The following KCNAB1 variants were observed in gnomAD, a reference collection of about 807,000 sequenced individuals.
KCNAB1 encodes potassium voltage-gated channel subfamily A regulatory beta subunit 1.
In KCNAB1, 35 loss-of-function variants were observed where a neutral mutation model predicts 64.6. The observed-to-expected ratio is 0.54, with a 90% confidence interval of 0.41 to 0.72. The LOEUF (loss-of-function observed/expected upper bound fraction) is 0.72. Ranked by LOEUF, KCNAB1 falls within the 30% of genes least tolerant of loss-of-function variation. The pLI is 0.00. For missense variants in KCNAB1, 401 were observed against 512.9 expected, an observed-to-expected ratio of 0.78 and a Z score of 2.11; for synonymous variants, 177 against 183.8, an observed-to-expected ratio of 0.96 and a Z score of 0.30.
At chr3:156,475,778 G>A (rs2108320655) in intron 8 of KCNAB1, among the ~76,000 whole-genome samples, 1 of 152,264 alleles carries the variant, frequency 6.6e-6, no homozygotes, top group South Asian at 2.1e-4. Flanking sequence ...AAGGGTTATA[G>A]TAATGGAAAA....
chr3:156,157,004 T>C (rs987024142), intron 1 of KCNAB1, among the ~76,000 whole-genome samples: 1 of 151,906 alleles, frequency 6.6e-6, no homozygotes, highest in African/African-American at 2.4e-5. Context: ...TGAGAATGAG[T>C]GTGCAGAAAG....
At chr3:156,260,113 A>G (rs1456195708) in intron 1 of KCNAB1, among the ~76,000 whole-genome samples, 2 of 152,188 alleles carry the variant, frequency 1.3e-5, no homozygotes, top group East Asian at 3.8e-4. Context: ...AGGACTTCCC[A>G]GACCTCTGAC....
chr3:156,527,699 C>A (rs947852919), intron 12 of KCNAB1, among the ~76,000 whole-genome samples: 1 of 152,088 alleles, frequency 6.6e-6, no homozygotes, highest in African/African-American at 2.4e-5. Context: ...CCTGTCACTT[C>A]TTTCTTTGTA....
Position 156,384,825 on chromosome 3 carries a change from G to A in KCNAB1, c.276-36791G>A, listed in dbSNP as rs1712456197. Among the ~76,000 whole-genome samples the A allele has an allele frequency of 1.3e-5, 2 of 152,176 alleles. 1 individual carries two copies. Among genetic ancestry groups the A allele is most frequent in the Admixed American group, 1.3e-4 (2 of 15,284 alleles). On this transcript the variant is annotated intron_variant, in intron 1 of 13. Coordinates refer to ENST00000490337, the MANE Select transcript of KCNAB1 (RefSeq NM_172160.3). Reference sequence around the variant, plus strand: ...AAACTCCCTTGGAATGGATTCCTCAGAGAGGTTTTGTTCTTCTGGCAGGAG... The same window carrying A: ...AAACTCCCTTGGAATGGATTCCTCAAAGAGGTTTTGTTCTTCTGGCAGGAG...
At chr3:156,453,110 T>C in intron 3 of KCNAB1, 174 bp downstream of exon 3, 1 of 489,266 alleles carries the variant, frequency 2.0e-6, no homozygotes, top group South Asian at 4.0e-5. Context: ...TTGTATTTTT[T>C]ACATTTAGAC....
chr3:156,400,184 T>C (rs1011820894), intron 1 of KCNAB1, among the ~76,000 whole-genome samples: 3 of 152,248 alleles, frequency 2.0e-5, no homozygotes, highest in Non-Finnish European at 2.9e-5. Flanking sequence ...AAAAGTTTGA[T>C]GTTAATGCTT....
chr3:156,296,197 A>G (rs1720765217), intron 1 of KCNAB1, among the ~76,000 whole-genome samples: 1 of 152,218 alleles, frequency 6.6e-6, no homozygotes, highest in Non-Finnish European at 1.5e-5. Context: ...AGAAGAGCAA[A>G]TCATTCAGGA....
At chr3:156,505,822 G>A (rs1023311047) in intron 8 of KCNAB1, among the ~76,000 whole-genome samples, 1 of 152,078 alleles carries the variant, frequency 6.6e-6, no homozygotes, top group Non-Finnish European at 1.5e-5. Flanking sequence ...GAGAGGGAGT[G>A]TATTACAAGG....
chr3:156,187,542 C>T (rs1258165504), intron 1 of KCNAB1, among the ~76,000 whole-genome samples: 1 of 152,194 alleles, frequency 6.6e-6, no homozygotes, highest in Non-Finnish European at 1.5e-5. Flanking sequence ...TGATGAAGTA[C>T]ACAACCACTC....
chr3:156,483,517 A>G (rs572539725), intron 8 of KCNAB1, among the ~76,000 whole-genome samples: 1 of 152,114 alleles, frequency 6.6e-6, no homozygotes, highest in African/African-American at 2.4e-5. Flanking sequence ...GTTGATGGCC[A>G]CTATGACTCA....
At chr3:156,414,419 G>A (rs1017347172) in intron 1 of KCNAB1, among the ~76,000 whole-genome samples, 1 of 152,140 alleles carries the variant, frequency 6.6e-6, no homozygotes, top group Non-Finnish European at 1.5e-5. Context: ...GTATTAACAA[G>A]TTCTAGGTGT....
intron 1 of KCNAB1, among the ~76,000 whole-genome samples, chr3:156,189,824 T>G (rs2108359362): frequency 6.6e-6 from 1 of 152,228 alleles, no homozygotes; most frequent in Admixed American, 6.5e-5. Flanking sequence ...AGCAAACACA[T>G]GCTAAGGTCA....
chr3:156,511,520 C>T (rs139312141), intron 8 of KCNAB1, among the ~76,000 whole-genome samples: 19 of 152,308 alleles, frequency 1.2e-4, no homozygotes, highest in Admixed American at 3.9e-4. Flanking sequence ...CTGTAAACAG[C>T]CAGATATCTG....
At chr3:156,450,233 T>C (rs972050668) in intron 2 of KCNAB1, among the ~76,000 whole-genome samples, 2 of 152,200 alleles carry the variant, frequency 1.3e-5, no homozygotes, top group African/African-American at 4.8e-5. Context: ...CCACACATCC[T>C]GAGAGCTCCA....
At chr3:156,366,891 A>G (rs1725976220) in intron 1 of KCNAB1, among the ~76,000 whole-genome samples, 1 of 152,248 alleles carries the variant, frequency 6.6e-6, no homozygotes, top group African/African-American at 2.4e-5. Flanking sequence ...TTAAATTTAA[A>G]CCACGTAGCT....
At chr3:156,466,929 G>A (rs552033699) in intron 7 of KCNAB1, among the ~76,000 whole-genome samples, 20 of 152,090 alleles carry the variant, frequency 1.3e-4, no homozygotes, top group Non-Finnish European at 2.2e-4. Flanking sequence ...ATACTAGTTC[G>A]TGAAGTACAG....
chr3:156,142,344 G>A (rs1218007260), intron 1 of KCNAB1, among the ~76,000 whole-genome samples: 1 of 152,048 alleles, frequency 6.6e-6, no homozygotes, highest in Non-Finnish European at 1.5e-5. Context: ...TAGGTTCTGA[G>A]GATTTTCTCC....
intron 7 of KCNAB1, among the ~76,000 whole-genome samples, chr3:156,471,993 T>C (rs1713937105): frequency 6.6e-6 from 1 of 152,172 alleles, no homozygotes; most frequent in East Asian, 1.9e-4. Flanking sequence ...ATCAGTACCC[T>C]GAATCCCAAA....
chr3:156,390,654 C>G (rs979897467), intron 1 of KCNAB1, among the ~76,000 whole-genome samples: 14 of 152,042 alleles, frequency 9.2e-5, no homozygotes, highest in Non-Finnish European at 1.9e-4. Flanking sequence ...ATGATCTCGG[C>G]TCACTTCAAG....
Sources: allele counts gnomAD v4.1 joint callset (sites outside exome capture counted in the v4.1 genomes callset), GRCh38; gene constraint gnomAD v4.1.1; transcripts MANE v1.5; gene names NCBI Gene and HGNC (gene_info 2026-07-23, HGNC 2026-07-21).